TSPAN11: variants seen among roughly 807,000 people sequenced by gnomAD.
TSPAN11 encodes tetraspanin 11, also known as tetraspanin-11.
Under a neutral mutation model 32.9 loss-of-function variants are expected in TSPAN11, and 29 were observed. That is an observed-to-expected ratio of 0.88 (90% confidence interval 0.66 to 1.20). The LOEUF (loss-of-function observed/expected upper bound fraction) is 1.20. Among genes scored for constraint, TSPAN11 ranks in the 50% most tolerant of loss-of-function variants. The probability of loss-of-function intolerance (pLI) is 0.00; values close to 1 mark genes in which losing one functional copy is unlikely to be tolerated. For synonymous variants in TSPAN11, 140 were observed against 141.3 expected (o/e 0.99, Z 0.07); for missense variants, 283 against 329.1 (o/e 0.86, Z 1.08).
chr12:30,937,909 C>A (rs898424190), intron 1 of TSPAN11, among the ~76,000 whole-genome samples: 1 of 152,190 alleles, frequency 6.6e-6, no homozygotes, highest in African/African-American at 2.4e-5. Flanking sequence ...ACATCCATGG[C>A]AAGGGAAAGA....
intron 1 of TSPAN11, among the ~76,000 whole-genome samples, chr12:30,938,802 A>G (rs868149243): frequency 3.3e-5 from 5 of 152,186 alleles, no homozygotes; most frequent in Non-Finnish European, 7.3e-5. Context: ...AGAGAAATCA[A>G]TTCTGGATAG....
chr12:30,985,866 C>T (rs1374896849), intron 7 of TSPAN11, among the ~76,000 whole-genome samples: 1 of 152,248 alleles, frequency 6.6e-6, no homozygotes, highest in Non-Finnish European at 1.5e-5. Context: ...ACTCCTCCTG[C>T]CCACTCAAAA....
chr12:30,964,993 C>T (rs1348533076), intron 3 of TSPAN11, among the ~76,000 whole-genome samples: 1 of 152,196 alleles, frequency 6.6e-6, no homozygotes, highest in Non-Finnish European at 1.5e-5. Flanking sequence ...ATGGGGCCTA[C>T]CATGAGGATT....
At chr12:30,951,732 C>T (rs1325503164) in intron 1 of TSPAN11, among the ~76,000 whole-genome samples, 2 of 152,140 alleles carry the variant, frequency 1.3e-5, no homozygotes, top group African/African-American at 2.4e-5. Context: ...AATGGCAAAG[C>T]TAGCTTTCAG....
At chr12:30,961,714 C>G (rs894587630) in intron 2 of TSPAN11, among the ~76,000 whole-genome samples, 3 of 152,000 alleles carry the variant, frequency 2.0e-5, no homozygotes, top group African/African-American at 7.3e-5. Flanking sequence ...TTGGGAACCA[C>G]TGGTCTAATA....
chr12:30,941,763 A>G (rs867170316), intron 1 of TSPAN11, among the ~76,000 whole-genome samples: 1 of 152,190 alleles, frequency 6.6e-6, no homozygotes. Flanking sequence ...AACCCCACCC[A>G]TGGGGCACCC....
chr12:31,009,852 T>G, the TSPAN11 span, among the ~76,000 whole-genome samples: 1 of 152,216 alleles, frequency 6.6e-6, no homozygotes, highest in South Asian at 2.1e-4. Flanking sequence ...GGTTTTTCCA[T>G]CTATAAAACA....
chr12:30,961,809 G>A (rs1565795745), intron 2 of TSPAN11, among the ~76,000 whole-genome samples: 2 of 152,076 alleles, frequency 1.3e-5, no homozygotes, highest in South Asian at 2.1e-4. Flanking sequence ...GTTATGCAAA[G>A]TTGGGACCCT....
chr12:30,966,021 A>ATTT (rs34029759), intron 3 of TSPAN11, among the ~76,000 whole-genome samples: 1 of 145,970 alleles, frequency 6.9e-6, no homozygotes, highest in Non-Finnish European at 1.5e-5. Flanking sequence ...TTTTTTTGTG[A>ATTT]TTTTTTTTTT....
chr12:31,013,657 G>A, the TSPAN11 span, among the ~76,000 whole-genome samples: 7 of 150,676 alleles, frequency 4.6e-5, 1 homozygote, highest in South Asian at 1.5e-3. Flanking sequence ...GAAACAGCTT[G>A]AACAAAGGTA....
chr12:30,957,733 T>TTCCC (rs1425757339), intron 2 of TSPAN11, among the ~76,000 whole-genome samples: 1 of 15,476 alleles, frequency 6.5e-5, no homozygotes, highest in Non-Finnish European at 1.1e-4. Context: ...CCTTCCCTCC[T>TTCCC]TCCCTCCCTC....
chr12:30,969,479 G>A (rs1938804587), intron 3 of TSPAN11, among the ~76,000 whole-genome samples: 2 of 152,204 alleles, frequency 1.3e-5, no homozygotes, highest in Admixed American at 1.3e-4. Context: ...GCAGGCAGGG[G>A]AATGGACCAG....
In TSPAN11 at chr12:30,995,391, G is replaced by A. The variant is rs914213369; in HGVS notation, c.*3476G>A. 1 of 152,488 alleles carries A rather than the reference G, an allele frequency of 6.6e-6. No individual in the cohort carries two copies. The allele number at this position is 152,488 out of a possible 1,614,324, so 9.4% of individuals were successfully genotyped here. A position where few individuals can be genotyped will look rare whatever the true frequency, so the allele number is the denominator to read the frequency against. On this transcript the variant is annotated 3_prime_UTR_variant, in exon 8 of 8. Coordinates refer to ENST00000546076, the MANE Select transcript of TSPAN11 (RefSeq NM_001370302.1). ...CCCCCTGCATGGGGCACCTGCTATT[G>A]CTGGGGCTCTGGGGTGGACCCTGTG...
the TSPAN11 span, among the ~76,000 whole-genome samples, chr12:31,010,362 A>G: frequency 6.6e-6 from 1 of 152,200 alleles, no homozygotes; most frequent in Non-Finnish European, 1.5e-5. Flanking sequence ...AATCACAACT[A>G]CTAATTATAC....
In TSPAN11 at chr12:30,926,952, A is replaced by T. The variant is rs1334761994; in HGVS notation, c.-12+156A>T. 3.9e-6 allele frequency: 5 copies of T among 1,280,168 alleles called. No individual in the cohort carries two copies. The South Asian group carries it at 6.3e-5, about 16-fold the overall frequency. 79.3% of individuals were successfully genotyped at this position (1,280,168 alleles called of 1,614,324 possible). A position where few individuals can be genotyped will look rare whatever the true frequency, so the allele number is the denominator to read the frequency against. The stretch of plus-strand genomic sequence containing the variant: ...GCGGGCAGAGGGAAGCCGGCTGGGG[A>T]TGAGGAGTGGAGGAGGCAGGAATGC... On this transcript the variant is annotated intron_variant, in intron 1 of 7. Coordinates refer to ENST00000546076, the MANE Select transcript of TSPAN11 (RefSeq NM_001370302.1).
chr12:31,007,733 T>G, the TSPAN11 span, among the ~76,000 whole-genome samples: 1 of 152,262 alleles, frequency 6.6e-6, no homozygotes, highest in South Asian at 2.1e-4. Context: ...TGGGAAGACT[T>G]TTTTGTTTAA....
Position 30,993,454 on chromosome 12 carries a change from T to C in TSPAN11, c.*1539T>C, listed in dbSNP as rs1726230529. 1 of 152,352 alleles carries C rather than the reference T, an allele frequency of 6.6e-6. No individual in the cohort carries two copies. Among genetic ancestry groups the C allele is most frequent in the Admixed American group, 6.5e-5 (1 of 15,286 alleles). 9.4% of individuals were successfully genotyped at this position (152,352 alleles called of 1,614,324 possible). A position where few individuals can be genotyped will look rare whatever the true frequency, so the allele number is the denominator to read the frequency against. On this transcript the variant is annotated 3_prime_UTR_variant, in exon 8 of 8. Coordinates refer to ENST00000546076, the MANE Select transcript of TSPAN11 (RefSeq NM_001370302.1). ...GAAACTGCATCCTCAGCACAGGAAG[T>C]ACCCACATGGACAGAGGGAAGCCCA...
chr12:30,969,344 C>T (rs1185322696), intron 3 of TSPAN11, among the ~76,000 whole-genome samples: 2 of 152,214 alleles, frequency 1.3e-5, no homozygotes, highest in Admixed American at 6.5e-5. Flanking sequence ...TGGGCCTTGC[C>T]TCATCTGTTT....
intron 1 of TSPAN11, among the ~76,000 whole-genome samples, chr12:30,935,913 G>A (rs1938036529): frequency 6.6e-6 from 1 of 152,184 alleles, no homozygotes; most frequent in Non-Finnish European, 1.5e-5. Flanking sequence ...CAGAATCACA[G>A]GAAATCGATT....
Sources: gnomAD v4.1 joint callset for allele counts (sites outside exome capture counted in the v4.1 genomes callset) on GRCh38, gnomAD v4.1.1 for gene constraint, MANE v1.5 for transcripts, NCBI Gene and HGNC (gene_info 2026-07-23, HGNC 2026-07-21) for gene names.